NRXN3: variants seen among roughly 807,000 people sequenced by gnomAD.
NRXN3 encodes the protein neurexin 3.
NRXN3 carries 32 observed loss-of-function variants against 137.6 expected under a neutral mutation model. The ratio of observed to expected loss-of-function variants is 0.23; its 90% CI spans 0.18 to 0.31. The LOEUF (loss-of-function observed/expected upper bound fraction) is 0.31. NRXN3 is among the 10% of genes least tolerant of loss of function. The pLI is 1.00. For synonymous variants in NRXN3, 798 were observed against 784.5 expected, an observed-to-expected ratio of 1.02 and a Z score of -0.29; for missense variants, 1,574 against 2,062.5, an observed-to-expected ratio of 0.76 and a Z score of 4.59.
At chr14:79,762,849 C>A (rs1304536446) in intron 19 of NRXN3, among the ~76,000 whole-genome samples, 1 of 151,526 alleles carries the variant, frequency 6.6e-6, no homozygotes, top group Non-Finnish European at 1.5e-5. Flanking sequence ...GTTAAATGAA[C>A]ATCTGTTTTT....
intron 8 of NRXN3, among the ~76,000 whole-genome samples, chr14:78,779,191 G>T (rs1052291245): frequency 6.6e-6 from 1 of 151,820 alleles, no homozygotes; most frequent in African/African-American, 2.4e-5. Context: ...AACAAAAACA[G>T]ATTTTTCTCA....
At chr14:78,917,697 T>C (rs1324416504) in intron 10 of NRXN3, among the ~76,000 whole-genome samples, 1 of 152,086 alleles carries the variant, frequency 6.6e-6, no homozygotes, top group African/African-American at 2.4e-5. Flanking sequence ...CAGGAATGAC[T>C]GTCCTTTGTG....
At chr14:79,496,867 G>A (rs2096772355) in intron 16 of NRXN3, among the ~76,000 whole-genome samples, 1 of 152,182 alleles carries the variant, frequency 6.6e-6, no homozygotes, top group African/African-American at 2.4e-5. Flanking sequence ...CCCAGCATGG[G>A]AGAGGGCATT....
chr14:79,845,174 T>C (rs765122198), intron 20 of NRXN3, among the ~76,000 whole-genome samples: 2 of 152,226 alleles, frequency 1.3e-5, no homozygotes, highest in Non-Finnish European at 2.9e-5. Flanking sequence ...TAGGGTTTGG[T>C]TAACAGGAAT....
intron 8 of NRXN3, among the ~76,000 whole-genome samples, chr14:78,775,492 T>C (rs775391176): frequency 5.3e-5 from 8 of 152,188 alleles, no homozygotes; most frequent in African/African-American, 1.2e-4. Flanking sequence ...GCCCATCAAC[T>C]ATCATTACTG....
At chr14:78,805,635 T>C (rs2098860808) in intron 9 of NRXN3, among the ~76,000 whole-genome samples, 1 of 149,798 alleles carries the variant, frequency 6.7e-6, no homozygotes, top group Admixed American at 6.6e-5. Context: ...TACAACCCCA[T>C]AACTAGCTCA....
chr14:79,797,896 C>T (rs900068176), intron 19 of NRXN3, among the ~76,000 whole-genome samples: 4 of 152,090 alleles, frequency 2.6e-5, no homozygotes, highest in South Asian at 4.2e-4. Flanking sequence ...GGTTAGAGAC[C>T]AGCCTCGGCA....
chr14:79,510,836 TGG>T (rs997994937), intron 16 of NRXN3, among the ~76,000 whole-genome samples: 1 of 152,104 alleles, frequency 6.6e-6, no homozygotes, highest in Admixed American at 6.5e-5. Flanking sequence ...CAGCGTGGCA[TGG>T]GAGGTGGAGA....
rs1319685450 is a variant in NRXN3 at position 78,615,396 on chromosome 14, C to G, written c.758-29724C>G. On this transcript the variant is annotated intron_variant, in intron 4 of 20. Coordinates refer to ENST00000335750, the MANE Select transcript of NRXN3 (RefSeq NM_001330195.2). ...TGGGTGGATCACGAGTTCAGGAGAT[C>G]GAAACCATCCTAGCTAACACGGTGA... Among the ~76,000 whole-genome samples the G allele has an allele frequency of 2.7e-5, 4 of 145,874 alleles. No individual in the cohort carries two copies. In the East Asian group the frequency reaches 6.2e-4, roughly 23 times the overall value.
At chr14:78,983,191 T>G (rs531098631) in intron 14 of NRXN3, among the ~76,000 whole-genome samples, 10 of 152,316 alleles carry the variant, frequency 6.6e-5, no homozygotes, top group Admixed American at 2.6e-4. Context: ...TGTGCATTTT[T>G]GGTGGGAATG....
At chr14:79,444,825 C>T (rs1316069632) in intron 15 of NRXN3, among the ~76,000 whole-genome samples, 2 of 151,856 alleles carry the variant, frequency 1.3e-5, no homozygotes, top group Non-Finnish European at 2.9e-5. Context: ...GACCTTGTCT[C>T]TAAAAAAATA....
chr14:78,487,994 C>G (rs1304923468), intron 4 of NRXN3, among the ~76,000 whole-genome samples: 1 of 152,080 alleles, frequency 6.6e-6, no homozygotes, highest in Admixed American at 6.5e-5. Flanking sequence ...AACAGAAATT[C>G]ATTTTCTCAC....
intron 15 of NRXN3, among the ~76,000 whole-genome samples, chr14:79,126,397 T>C (rs1010868634): frequency 1.9e-4 from 28 of 146,688 alleles, no homozygotes; most frequent in African/African-American, 5.2e-4. Context: ...ATTGTTCAAT[T>C]CCCACCTATG....
At chr14:79,463,519 G>A (rs1431021315) in intron 15 of NRXN3, among the ~76,000 whole-genome samples, 4 of 152,106 alleles carry the variant, frequency 2.6e-5, no homozygotes, top group African/African-American at 9.7e-5. Flanking sequence ...AAGATGAGAT[G>A]TATCCTCTTA....
chr14:78,672,950 A>G (rs897425966), intron 6 of NRXN3, among the ~76,000 whole-genome samples: 2 of 152,238 alleles, frequency 1.3e-5, no homozygotes, highest in Non-Finnish European at 2.9e-5. Flanking sequence ...CTATAGGCAG[A>G]AAAGCATTTC....
At chr14:79,286,334 G>C (rs2082250146) in intron 15 of NRXN3, among the ~76,000 whole-genome samples, 1 of 151,720 alleles carries the variant, frequency 6.6e-6, no homozygotes, top group Non-Finnish European at 1.5e-5. Context: ...GAAAACAAGA[G>C]AAAAAATAGG....
At chr14:79,070,068 G>T (rs1253124396) in intron 15 of NRXN3, among the ~76,000 whole-genome samples, 2 of 152,002 alleles carry the variant, frequency 1.3e-5, no homozygotes, top group African/African-American at 4.8e-5. Flanking sequence ...TCATTCATTT[G>T]GGAAACCAAT....
chr14:79,387,774 A>G (rs976434528), intron 15 of NRXN3, among the ~76,000 whole-genome samples: 1 of 152,034 alleles, frequency 6.6e-6, no homozygotes, highest in Non-Finnish European at 1.5e-5. Context: ...CTATGCAGCC[A>G]TAAAAAAGGA....
chr14:78,425,749 C>T (rs2093639089), intron 4 of NRXN3, among the ~76,000 whole-genome samples: 1 of 152,166 alleles, frequency 6.6e-6, no homozygotes, highest in Non-Finnish European at 1.5e-5. Flanking sequence ...TGGCTCCTGG[C>T]CCTACCTCCT....
Sources: gnomAD v4.1 joint callset for allele counts (sites outside exome capture counted in the v4.1 genomes callset) on GRCh38, gnomAD v4.1.1 for gene constraint, MANE v1.5 for transcripts, NCBI Gene and HGNC (gene_info 2026-07-23, HGNC 2026-07-21) for gene names.